WDR81: variants seen among roughly 807,000 people sequenced by gnomAD.
WDR81 encodes WD repeat domain 81.
In WDR81, 92 loss-of-function variants were observed where a neutral mutation model predicts 140.8. That is an observed-to-expected ratio of 0.65 (90% CI 0.55 to 0.78). WDR81 has a LOEUF of 0.78. Among genes scored for constraint, WDR81 ranks in the 30% least tolerant of loss-of-function variants. WDR81 has a pLI of 0.00. For synonymous variants in WDR81, 1,183 were observed against 1,156.4 expected, an observed-to-expected ratio of 1.02 and a Z score of -0.47; for missense variants, 2,502 against 2,636.4, an observed-to-expected ratio of 0.95 and a Z score of 1.12.
At position 1,725,091 on chromosome 17, in the gene WDR81, G is replaced by A; in HGVS notation, c.132G>A (p.Gln44=). The stretch of plus-strand genomic sequence containing the variant: ...GGGACCTGAGCATCGATCCCAGGCA[G>A]CTGGCTCCGGCCCCGGGGGGCACCC... ...VERDLSIDPR[Q]LAPAPGGTHV... Residue 44 remains glutamine (Q), a synonymous_variant, in exon 1 of 10, where the codon CAG becomes CAA. Coordinates refer to ENST00000409644, the MANE Select transcript of WDR81 (RefSeq NM_001163809.2). 6.7e-7 allele frequency: 1 copy of A among 1,500,612 alleles called. No individual in the cohort carries two copies. The allele number at this position is 1,500,612 out of a possible 1,614,324, so 93.0% of individuals were successfully genotyped here.
rs1915437521 is a variant in WDR81 at position 1,728,277 on chromosome 17, C to T, written c.3318C>T (p.Gly1106=). The part of the protein sequence containing the change: ...QPQEAEAVSL[G]RLSDKSSTSE... ...AGGAGGCTGAGGCTGTGAGCCTGGG[C>T]CGGCTGAGTGACAAGAGCAGCACCA... The change falls in exon 1 of 10, where the codon GGC becomes GGT. Residue 1106 remains glycine (G), a synonymous_variant. Transcript: ENST00000409644. 6.2e-7 allele frequency: 1 copy of T among 1,612,616 alleles called. No homozygotes were observed. Among genetic ancestry groups the T allele is most frequent in the Non-Finnish European group, 8.5e-7 (1 of 1,179,896 alleles).
chr17:1,735,791 A>T lies in WDR81; in HGVS notation c.5325+74A>T. 4 of 1,526,794 alleles carry T rather than the reference A, an allele frequency of 2.6e-6. No homozygotes were observed. 94.6% of individuals were successfully genotyped at this position (1,526,794 alleles called of 1,614,324 possible). A position where few individuals can be genotyped will look rare whatever the true frequency, so the allele number is the denominator to read the frequency against. On this transcript the variant is annotated intron_variant, in intron 8 of 9. Transcript: ENST00000409644. The surrounding 1 kb of genome is among the most constrained non-coding windows in gnomAD (Gnocchi z 4.2). ...TGGCAAGGAGGAGAGACTCCCCAAA[A>T]ACAGAAAGCCAGGATGTTGTTCTGG...
chr17:1,735,536 C>G lies in WDR81; in HGVS notation c.5180-36C>G. 6.4e-7 allele frequency: 1 copy of G among 1,550,874 alleles called. No homozygotes were observed. Among genetic ancestry groups the G allele is most frequent in the Non-Finnish European group, 8.7e-7 (1 of 1,145,934 alleles). The stretch of plus-strand genomic sequence containing the variant: ...GCTCCCAGGGCTCTTCCGTCAGCTG[C>G]TGGGACCCCAGATCCACTGTGACTT... On this transcript the variant is annotated intron_variant, in intron 7 of 9. Transcript: ENST00000409644. The surrounding 1 kb of genome is among the most constrained non-coding windows in gnomAD (Gnocchi z 4.2).
At chr17:1,724,663 T>A, upstream of WDR81, 2 of 1,042,582 alleles carry the variant, frequency 1.9e-6, no homozygotes, top group South Asian at 9.2e-5. Flanking sequence ...TGGAGCCACG[T>A]GCGCTTGTTT....
chr17:1,730,318 G>A, intron 1 of WDR81, 62 bp from the exon 2 acceptor site: 1 of 1,377,914 alleles, frequency 7.3e-7, no homozygotes, highest in African/African-American at 1.4e-5. Flanking sequence ...CCGTGGGGTG[G>A]GGTGGGAGGG....
upstream of WDR81, among the ~76,000 whole-genome samples, chr17:1,723,469 ATT>A (rs1268618133): frequency 4.7e-5 from 6 of 127,046 alleles, no homozygotes; most frequent in Admixed American, 3.8e-4. Context: ...TTATTTATTT[ATT>A]TATTTATTTA....
At chr17:1,737,294 G>T in intron 9 of WDR81, 71 bp from the exon 10 acceptor site, 1 of 1,457,462 alleles carries the variant, frequency 6.9e-7, no homozygotes, top group South Asian at 1.4e-5. Flanking sequence ...GAGGGAACTG[G>T]GAAGGCCTTG....
chr17:1,721,049 G>A (rs1914836983), upstream of WDR81, among the ~76,000 whole-genome samples: 1 of 152,136 alleles, frequency 6.6e-6, no homozygotes, highest in South Asian at 2.1e-4. Flanking sequence ...TGAGACCAGC[G>A]CAAAGAACAG....
chr17:1,723,171 T>A (rs1244284587), upstream of WDR81, among the ~76,000 whole-genome samples: 6 of 152,174 alleles, frequency 3.9e-5, no homozygotes, highest in Non-Finnish European at 7.3e-5. Context: ...AGGAATCATG[T>A]TGCTTTGGTG....
chr17:1,730,005 AG>A (rs1915574666), intron 1 of WDR81, among the ~76,000 whole-genome samples: 1 of 149,116 alleles, frequency 6.7e-6, no homozygotes, highest in African/African-American at 2.5e-5. Flanking sequence ...AAAAAAAAAA[AG>A]AAGAAGAAGA....
chr17:1,719,412 T>G lies in WDR81; in HGVS notation c.-124+2779T>G, dbSNP rs554742400. Reference sequence around the variant, plus strand: ...CATACAAACAATTAGCCGGGCGTGGTGGCGGGCGCCTGTAGTGCCCAGCTA... The same window carrying G: ...CATACAAACAATTAGCCGGGCGTGGGGGCGGGCGCCTGTAGTGCCCAGCTA... On this transcript the variant is annotated intron_variant, in intron 1 of 10. Coordinates refer to the WDR81 transcript ENST00000309182. Among the ~76,000 whole-genome samples, 169 of 151,728 alleles carry G rather than the reference T, an allele frequency of 1.1e-3. 2 individuals carry two copies. In the Middle Eastern group the frequency reaches 0.014, roughly 12 times the overall value.
chr17:1,732,232 A>C, intron 4 of WDR81, 93 bp from the exon 5 acceptor site: 1 of 1,508,422 alleles, frequency 6.6e-7, no homozygotes, highest in Non-Finnish European at 8.9e-7. Flanking sequence ...GCAAGACTCC[A>C]TCTCAATAAA....
At position 1,734,192 on chromosome 17, in the gene WDR81, G is replaced by A. The variant is rs528062052; in HGVS notation, c.5155G>A (p.Val1719Met). ...PQHVVSCDGA[V>M]HVWDPFTGKT... ...GCACGTGGTGAGCTGTGACGGGGCT[G>A]TGCACGTCTGGGACCCCTTCACAGG... Residue 1719 changes from valine (V) to methionine (M), a missense_variant, in exon 7 of 10, where the codon GTG becomes ATG. Transcript: ENST00000409644. The A allele has an allele frequency of 6.3e-7, 1 of 1,592,958 alleles. No individual in the cohort carries two copies.
upstream of WDR81, among the ~76,000 whole-genome samples, chr17:1,719,860 C>T (rs1914773846): frequency 6.6e-6 from 1 of 151,846 alleles, no homozygotes; most frequent in Non-Finnish European, 1.5e-5. Flanking sequence ...AAACATTAGC[C>T]AGGTGTGGTG....
chr17:1,731,906 G>A (rs1174009430), intron 4 of WDR81, among the ~76,000 whole-genome samples: 2 of 143,336 alleles, frequency 1.4e-5, no homozygotes, highest in African/African-American at 2.7e-5. Context: ...CAGCCTAGGC[G>A]ACAGAGCAAG....
Position 1,725,886 on chromosome 17 carries a change from C to CGAGGAGGACGAGAAT in WDR81, c.935_949dup (p.Asp312_Glu316dup). ...TGGACCTGAGTGCTTATGAGAGGCCCGAGGAGGACGAGAATGAGGAGGCCC... is the reference window on the plus strand; with the variant it reads ...TGGACCTGAGTGCTTATGAGAGGCCCGAGGAGGACGAGAATGAGGAGGACGAGAATGAGGAGGCCC... On this transcript the variant is annotated inframe_insertion, in exon 1 of 10. Transcript: ENST00000409644. 6.4e-7 allele frequency: 1 copy of CGAGGAGGACGAGAAT among 1,550,750 alleles called. No individual in the cohort carries two copies. The highest frequency in any genetic ancestry group is 8.7e-7 in the Non-Finnish European group (1 of 1,146,942).
intron 6 of WDR81, among the ~76,000 whole-genome samples, 188 bp from the exon 7 acceptor site, chr17:1,733,337 CAT>C (rs1238925941): frequency 2.6e-5 from 4 of 152,228 alleles, no homozygotes; most frequent in East Asian, 1.9e-4. Flanking sequence ...AGAAGATGCT[CAT>C]GTGTACATCA....
intron 4 of WDR81, 27 bp from the exon 5 acceptor site, chr17:1,732,298 G>T: frequency 6.2e-7 from 1 of 1,607,234 alleles, no homozygotes. Context: ...AGAACGGCGG[G>T]CTGGAGCTCA....
Position 1,732,361 on chromosome 17 carries a change from T to A in WDR81, c.4194T>A (p.Cys1398Ter). 1 of 1,613,470 alleles carries A rather than the reference T, an allele frequency of 6.2e-7. No individual in the cohort carries two copies. Among genetic ancestry groups the A allele is most frequent in the East Asian group, 2.2e-5 (1 of 44,886 alleles). ...PSGAQARTIL[C>*]VKTISLIALI... ...GGGCCCAGGCTCGGACCATCCTGTG[T>A]GTGAAAACCATCAGCCTCATCGCCC... Residue 1398 changes from cysteine to a stop codon, truncating the protein, a stop_gained, in exon 5 of 10, where the codon TGT becomes TGA. Transcript: ENST00000409644. LOFTEE classifies it high-confidence loss of function.
Sources: allele counts gnomAD v4.1 joint callset (sites outside exome capture counted in the v4.1 genomes callset), GRCh38; gene constraint gnomAD v4.1.1; non-coding constraint Gnocchi (gnomAD v3.1); transcripts MANE v1.5; gene names NCBI Gene and HGNC (gene_info 2026-07-23, HGNC 2026-07-21).